The following SPHKAP variants were observed in gnomAD, a reference collection of about 807,000 sequenced individuals.
SPHKAP encodes A-kinase anchor protein SPHKAP.
SPHKAP carries 67 observed loss-of-function variants against 137.5 expected under a neutral mutation model. That is an observed-to-expected ratio of 0.49 (90% CI 0.40 to 0.60). SPHKAP has a LOEUF of 0.60. SPHKAP is among the 20% of genes least tolerant of loss of function. SPHKAP has a pLI of 0.00. For synonymous variants in SPHKAP, 813 were observed against 785.3 expected, an observed-to-expected ratio of 1.04 and a Z score of -0.59; for missense variants, 2,097 against 2,069.3, an observed-to-expected ratio of 1.01 and a Z score of -0.26.
rs932793954 is a variant in SPHKAP, at chr2:227,991,453, A to T, written c.4722-127T>A. 34 of 1,549,702 alleles carry T rather than the reference A, an allele frequency of 2.2e-5. No individual in the cohort carries two copies. The African/African-American group carries it at 2.5e-4, about 11-fold the overall frequency. On this transcript the variant is annotated intron_variant, in intron 9 of 11. Coordinates refer to ENST00000392056, the MANE Select transcript of SPHKAP (RefSeq NM_001142644.2). ...TTCATTCTGGATTTATTGTTTTTGT[A>T]GAGTAGAGTAATGCTGGGAAAACAC...
In SPHKAP at chr2:228,017,932, T is replaced by C. The variant is rs757876910; in HGVS notation, c.2922A>G (p.Val974=). The part of the protein sequence containing the change: ...RGSEFLMTPN[V]PCRSLKRKKE... The stretch of plus-strand genomic sequence containing the variant: ...TCTTCCTCTTCAAGGATCGGCAGGG[T>C]ACGTTGGGTGTCATCAGAAACTCAC... Residue 974 remains valine, a synonymous_variant, in exon 7 of 12, where the codon GTA becomes GTG. Coordinates refer to ENST00000392056, the MANE Select transcript of SPHKAP (RefSeq NM_001142644.2). The C allele has an allele frequency of 1.2e-6, 2 of 1,613,286 alleles. No homozygotes were observed. The highest frequency in any genetic ancestry group is 1.7e-5 in the Admixed American group (1 of 59,910).
At chr2:228,063,464 C>T (rs1470600578) in intron 3 of SPHKAP, among the ~76,000 whole-genome samples, 1 of 152,180 alleles carries the variant, frequency 6.6e-6, no homozygotes, top group Non-Finnish European at 1.5e-5. Flanking sequence ...GTCTGATTTA[C>T]TAACAAACTA....
intron 1 of SPHKAP, among the ~76,000 whole-genome samples, chr2:228,149,364 A>G (rs1699864423): frequency 2.6e-5 from 4 of 152,218 alleles, no homozygotes; most frequent in Admixed American, 1.3e-4. Flanking sequence ...ATATCAATGT[A>G]TATAGAAGCA....
intron 3 of SPHKAP, among the ~76,000 whole-genome samples, chr2:228,070,985 T>C (rs73096668): frequency 0.018 from 2,687 of 152,266 alleles, 81 homozygotes; most frequent in African/African-American, 0.06. Context: ...AGAGTTGATA[T>C]TGTCCCTTAT....
intron 3 of SPHKAP, among the ~76,000 whole-genome samples, chr2:228,063,948 C>G (rs773493930): frequency 6.6e-6 from 1 of 152,170 alleles, no homozygotes; most frequent in South Asian, 2.1e-4. Context: ...TGAAACTGAT[C>G]TACATTCTCC....
At chr2:228,170,016 C>A (rs1055734754) in intron 1 of SPHKAP, among the ~76,000 whole-genome samples, 3 of 151,608 alleles carry the variant, frequency 2.0e-5, no homozygotes, top group Non-Finnish European at 1.5e-5. Context: ...TAATGAGAGT[C>A]TGGAAGATGT....
At chr2:228,121,224 AT>A (rs1303732322) in intron 2 of SPHKAP, among the ~76,000 whole-genome samples, 1 of 152,164 alleles carries the variant, frequency 6.6e-6, no homozygotes, top group Non-Finnish European at 1.5e-5. Context: ...AATACAAGTG[AT>A]ATGGCTGGCT....
At chr2:228,031,137 C>G (rs368670273) in intron 3 of SPHKAP, among the ~76,000 whole-genome samples, 3 of 152,172 alleles carry the variant, frequency 2.0e-5, no homozygotes, top group Non-Finnish European at 4.4e-5. Context: ...GGGTGACAGA[C>G]GGCACCTGGA....
chr2:228,027,987 A>G (rs1574769025), intron 3 of SPHKAP: 1 of 982,942 alleles, frequency 1.0e-6, no homozygotes, highest in South Asian at 4.7e-5. Flanking sequence ...GAAAAAAGAA[A>G]AAAAGAAATA....
At chr2:228,034,599 A>G (rs1279867293) in intron 3 of SPHKAP, among the ~76,000 whole-genome samples, 1 of 152,206 alleles carries the variant, frequency 6.6e-6, no homozygotes, top group Non-Finnish European at 1.5e-5. Flanking sequence ...TTAGACCAAT[A>G]TCCTTGATGA....
At chr2:228,076,000 T>C (rs570627126) in intron 3 of SPHKAP, among the ~76,000 whole-genome samples, 28 of 152,290 alleles carry the variant, frequency 1.8e-4, no homozygotes, top group Non-Finnish European at 3.5e-4. Context: ...TGGGAGGTGA[T>C]TGAATTATGG....
At chr2:228,152,323 A>T (rs980351553) in intron 1 of SPHKAP, among the ~76,000 whole-genome samples, 6 of 152,096 alleles carry the variant, frequency 3.9e-5, no homozygotes, top group Admixed American at 1.3e-4. Flanking sequence ...AGGCAATTTT[A>T]TTAGGTGAAT....
In SPHKAP at chr2:228,045,513, C is replaced by T. The variant is rs530376660; in HGVS notation, c.247-17970G>A. On this transcript the variant is annotated intron_variant, in intron 3 of 11. Coordinates refer to ENST00000392056, the MANE Select transcript of SPHKAP (RefSeq NM_001142644.2). ...TATCGCAAGGACAAAAAACCAAACA[C>T]CACATGTTCTCACTCATAGGTGGGA... Among the ~76,000 whole-genome samples, 25 of 151,818 alleles carry T rather than the reference C, an allele frequency of 1.6e-4. No individual in the cohort carries two copies. In the South Asian group the frequency reaches 3.8e-3, roughly 23 times the overall value.
intron 1 of SPHKAP, among the ~76,000 whole-genome samples, chr2:228,139,996 G>C (rs554773900): frequency 3.2e-4 from 42 of 132,626 alleles, no homozygotes; most frequent in African/African-American, 1.1e-3. Context: ...CCAGGCTGGA[G>C]TGCAGTGGCA....
chr2:228,103,269 C>T (rs904989538), intron 3 of SPHKAP, among the ~76,000 whole-genome samples: 14 of 152,164 alleles, frequency 9.2e-5, no homozygotes, highest in Non-Finnish European at 8.8e-5. Context: ...AAAGTTTCTT[C>T]TGGGCCTGCT....
rs963520013 is a variant in SPHKAP at position 227,980,923 on chromosome 2, G to T, written c.*794C>A. 6.6e-6 allele frequency: 1 copy of T among 152,194 alleles called. No homozygotes were observed. Among genetic ancestry groups the T allele is most frequent in the East Asian group, 1.9e-4 (1 of 5,202 alleles). The allele number at this position is 152,194 out of a possible 1,614,324, so 9.4% of individuals were successfully genotyped here. A position where few individuals can be genotyped will look rare whatever the true frequency, so the allele number is the denominator to read the frequency against. ...TTTCATATTATTCAAGACACAAGCA[G>T]ATTTTATCTGAAAAGACTTTTTTTT... is the stretch of plus-strand genomic sequence containing the variant. On this transcript the variant is annotated 3_prime_UTR_variant, in exon 12 of 12. Coordinates refer to ENST00000392056, the MANE Select transcript of SPHKAP (RefSeq NM_001142644.2).
At chr2:228,092,136 T>TATA in intron 3 of SPHKAP, among the ~76,000 whole-genome samples, 1 of 133,542 alleles carries the variant, frequency 7.5e-6, no homozygotes, top group Middle Eastern at 3.8e-3. Flanking sequence ...CGTATATGTG[T>TATA]GTACACATAT....
Position 228,038,321 on chromosome 2 carries a change from A to G in SPHKAP, c.247-10778T>C, listed in dbSNP as rs117546173. ...GGTCAGGGGACATGTTTACAGTGTT[A>G]TTACAGGAGGAAACTTTTGGTAGTG... On this transcript the variant is annotated intron_variant, in intron 3 of 11. Transcript: ENST00000392056. Among the ~76,000 whole-genome samples the G allele has an allele frequency of 7.9e-5, 12 of 152,252 alleles. No individual in the cohort carries two copies. In the East Asian group the frequency reaches 2.1e-3, roughly 27 times the overall value.
intron 3 of SPHKAP, among the ~76,000 whole-genome samples, chr2:228,028,561 G>C (rs756585242): frequency 2.6e-5 from 4 of 152,092 alleles, no homozygotes. Context: ...TTATAATACC[G>C]TATTTTTACT....
Sources: allele counts gnomAD v4.1 joint callset (sites outside exome capture counted in the v4.1 genomes callset), GRCh38; gene constraint gnomAD v4.1.1; transcripts MANE v1.5; gene names NCBI Gene and HGNC (gene_info 2026-07-23, HGNC 2026-07-21).